RIMS1: variants seen among roughly 807,000 people sequenced by gnomAD.
RIMS1 encodes regulating synaptic membrane exocytosis 1.
Under a neutral mutation model 214.1 loss-of-function variants are expected in RIMS1, and 83 were observed. The observed-to-expected ratio is 0.39, with a 90% CI of 0.32 to 0.47. The LOEUF (loss-of-function observed/expected upper bound fraction) is 0.47, where lower values mean the gene tolerates loss of function less well. RIMS1 is among the 20% of genes least tolerant of loss of function. RIMS1 has a pLI of 0.99. For synonymous variants in RIMS1, 793 were observed against 786.8 expected (o/e 1.01, Z -0.13); for missense variants, 2,050 against 2,161.8 (o/e 0.95, Z 1.03).
At chr6:71,960,943 A>G (rs574921621) in intron 1 of RIMS1, among the ~76,000 whole-genome samples, 2 of 152,164 alleles carry the variant, frequency 1.3e-5, no homozygotes, top group East Asian at 1.9e-4. Flanking sequence ...GAAACTGCCA[A>G]TTTCTTCCTG....
In RIMS1 at chr6:71,976,867, T is replaced by C. The variant is rs534112312; in HGVS notation, c.245+7804T>C. On this transcript the variant is annotated intron_variant, in intron 2 of 33. Transcript: ENST00000521978. ...TATGCTTGAAAATATGATTTCTTAT[T>C]TATAATCACATCTCAGATTTATGTC... 3.3e-5 allele frequency among the ~76,000 whole-genome samples: 5 copies of C among 152,268 alleles called. No individual in the cohort carries two copies. In the South Asian group the frequency reaches 8.3e-4, roughly 25 times the overall value.
At chr6:71,888,526 C>T (rs916034062) in intron 1 of RIMS1, among the ~76,000 whole-genome samples, 5 of 152,136 alleles carry the variant, frequency 3.3e-5, no homozygotes, top group Admixed American at 1.3e-4. Context: ...AAGATGCTGC[C>T]GAAGAAGATT....
At chr6:72,043,154 G>GCA (rs61574291) in intron 2 of RIMS1, among the ~76,000 whole-genome samples, 62,951 of 147,988 alleles carry the variant, frequency 0.43, 13,268 homozygotes, top group East Asian at 0.64. Flanking sequence ...GAACTTGCAT[G>GCA]CACACACACA....
rs1790101781 is a variant in RIMS1, at chr6:71,952,999, T to A, written c.165-15984T>A. 2.0e-5 allele frequency among the ~76,000 whole-genome samples: 3 copies of A among 151,858 alleles called. No individual in the cohort carries two copies. In the South Asian group the frequency reaches 6.3e-4, roughly 32 times the overall value. On this transcript the variant is annotated intron_variant, in intron 1 of 33. Transcript: ENST00000521978. ...ATCTTTTTTTTTTTTTTTCATTTTA[T>A]TTTTTGAGACAGAGTCTCACTTTGT...
chr6:72,201,735 A>G (rs547497076), intron 6 of RIMS1, among the ~76,000 whole-genome samples: 2 of 152,306 alleles, frequency 1.3e-5, no homozygotes, highest in East Asian at 3.9e-4. Context: ...GTCTGGGCTC[A>G]ACCCTAACAA....
At chr6:72,038,907 T>C (rs1014146390) in intron 2 of RIMS1, among the ~76,000 whole-genome samples, 4 of 152,138 alleles carry the variant, frequency 2.6e-5, no homozygotes, top group African/African-American at 9.7e-5. Context: ...AGAGTCTTCT[T>C]GTACAATGAT....
chr6:72,010,230 A>T (rs1185498334), intron 2 of RIMS1, among the ~76,000 whole-genome samples: 1 of 152,210 alleles, frequency 6.6e-6, no homozygotes, highest in African/African-American at 2.4e-5. Flanking sequence ...GAAAAAAAAC[A>T]CATGATTATC....
intron 2 of RIMS1, among the ~76,000 whole-genome samples, chr6:71,981,246 T>A (rs1230815337): frequency 4.6e-5 from 7 of 152,148 alleles, no homozygotes; most frequent in Non-Finnish European, 1.0e-4. Flanking sequence ...CATGAAACTT[T>A]ATAAAGTATT....
chr6:72,299,540 C>A (rs1227629094), intron 26 of RIMS1, among the ~76,000 whole-genome samples: 1 of 151,188 alleles, frequency 6.6e-6, no homozygotes, highest in African/African-American at 2.4e-5. Context: ...TTTTAAGTAC[C>A]AGGTTTCTTT....
intron 22 of RIMS1, among the ~76,000 whole-genome samples, chr6:72,270,230 CTA>C (rs1427878671): frequency 4.6e-5 from 7 of 152,096 alleles, no homozygotes; most frequent in East Asian, 1.9e-4. Context: ...CAGAGTATAA[CTA>C]TGTGTATTAA....
chr6:72,093,661 AT>A (rs200378627), intron 2 of RIMS1, among the ~76,000 whole-genome samples: 21 of 151,124 alleles, frequency 1.4e-4, no homozygotes, highest in East Asian at 9.7e-4. Flanking sequence ...CATGTGTTAG[AT>A]TTTTTTTTAC....
intron 1 of RIMS1, among the ~76,000 whole-genome samples, chr6:71,967,735 G>A (rs1237543190): frequency 6.6e-6 from 1 of 152,144 alleles, no homozygotes; most frequent in African/African-American, 2.4e-5. Context: ...GCAAAGGGAA[G>A]GTGTGTTGAG....
At chr6:72,033,651 T>C (rs1818781375) in intron 2 of RIMS1, among the ~76,000 whole-genome samples, 1 of 152,012 alleles carries the variant, frequency 6.6e-6, no homozygotes, top group South Asian at 2.1e-4. Context: ...CCGGCTAATT[T>C]TTGTATTTTT....
chr6:72,400,773 C>A lies in RIMS1; in HGVS notation c.*59C>A. 2.3e-6 allele frequency: 3 copies of A among 1,309,316 alleles called. No individual in the cohort carries two copies. Among genetic ancestry groups the A allele is most frequent in the Non-Finnish European group, 3.2e-6 (3 of 929,494 alleles). 81.1% of individuals were successfully genotyped at this position (1,309,316 alleles called of 1,614,324 possible). Reference sequence around the variant, plus strand: ...TACTTTTCAGGATAATAATCTGAACCAGATATTTCATGATCGAAAGCATTG... The same window carrying A: ...TACTTTTCAGGATAATAATCTGAACAAGATATTTCATGATCGAAAGCATTG... On this transcript the variant is annotated 3_prime_UTR_variant, in exon 34 of 34. Transcript: ENST00000521978.
At chr6:72,249,980 C>A (rs1021354710) in intron 12 of RIMS1, among the ~76,000 whole-genome samples, 11 of 151,988 alleles carry the variant, frequency 7.2e-5, no homozygotes, top group African/African-American at 2.7e-4. Flanking sequence ...CACATATAAT[C>A]TTCAAACTCT....
intron 2 of RIMS1, among the ~76,000 whole-genome samples, chr6:71,987,258 A>C (rs960277171): frequency 5.3e-5 from 8 of 152,212 alleles, no homozygotes; most frequent in African/African-American, 1.9e-4. Flanking sequence ...TTGACTAGGT[A>C]GCTTTAAAAG....
In RIMS1 at chr6:72,292,053, G is replaced by T; in HGVS notation, c.3850+7G>T. On this transcript the variant is annotated splice_region_variant and intron_variant, in intron 26 of 33. Transcript: ENST00000521978. The stretch of plus-strand genomic sequence containing the variant: ...AGCGGCAGTATAGAACAAGGTATCC[G>T]ATAAAGAGAGATCATTGTCCAAAAA... 1.3e-6 allele frequency: 2 copies of T among 1,526,948 alleles called. No individual in the cohort carries two copies. Among genetic ancestry groups the T allele is most frequent in the East Asian group, 2.5e-5 (1 of 40,766 alleles). The allele number at this position is 1,526,948 out of a possible 1,614,324, so 94.6% of individuals were successfully genotyped here. A position where few individuals can be genotyped will look rare whatever the true frequency, so the allele number is the denominator to read the frequency against.
chr6:72,336,273 A>G (rs2096839944), intron 29 of RIMS1, among the ~76,000 whole-genome samples: 1 of 151,842 alleles, frequency 6.6e-6, no homozygotes, highest in Non-Finnish European at 1.5e-5. Context: ...CTTATAAAAC[A>G]CAGCAGTAAT....
intron 9 of RIMS1, among the ~76,000 whole-genome samples, chr6:72,238,148 G>T (rs1176364313): frequency 6.6e-6 from 1 of 151,978 alleles, no homozygotes; most frequent in African/African-American, 2.4e-5. Context: ...GCAATCTGGA[G>T]AGTAAGGGTA....
Sources: allele counts gnomAD v4.1 joint callset (sites outside exome capture counted in the v4.1 genomes callset), GRCh38; gene constraint gnomAD v4.1.1; transcripts MANE v1.5; gene names NCBI Gene and HGNC (gene_info 2026-07-23, HGNC 2026-07-21).